The following RFK variants were observed in gnomAD, a reference collection of about 807,000 sequenced individuals.
RFK encodes riboflavin kinase.
In RFK, 4 loss-of-function variants were observed where a neutral mutation model predicts 17.6. The ratio of observed to expected loss-of-function variants is 0.23; its 90% CI spans 0.11 to 0.52. The LOEUF is 0.52. RFK is among the 20% of genes least tolerant of loss of function. RFK has a pLI of 0.96. For synonymous variants in RFK, 59 were observed against 63.8 expected, an observed-to-expected ratio of 0.92 and a Z score of 0.36; for missense variants, 189 against 187.7, an observed-to-expected ratio of 1.01 and a Z score of -0.04.
At chr9:76,393,990 G>T in intron 1 of RFK, 100 bp downstream of exon 1, 1 of 1,107,356 alleles carries the variant, frequency 9.0e-7, no homozygotes, top group Non-Finnish European at 1.3e-6. Flanking sequence ...CTCTGCCCGC[G>T]GTCCGGAGGC....
chr9:76,393,622 T>C (rs965659191), intron 1 of RFK: 1 of 160,202 alleles, frequency 6.2e-6, no homozygotes, highest in Non-Finnish European at 1.4e-5. Context: ...TTGAAATTAA[T>C]GTAGACAGAC....
intron 1 of RFK, among the ~76,000 whole-genome samples, chr9:76,393,229 C>T (rs906790349): frequency 2.1e-5 from 3 of 143,726 alleles, no homozygotes; most frequent in Admixed American, 7.0e-5. Flanking sequence ...TTTTTTGAGA[C>T]GGTGTCTCAC....
intron 2 of RFK, among the ~76,000 whole-genome samples, chr9:76,390,725 ACCACACACACACACAC>A (rs1822807959): frequency 1.5e-5 from 1 of 65,534 alleles, no homozygotes; most frequent in Admixed American, 1.5e-4. Context: ...AAAAAAAAAA[ACCACACACACACACAC>A]AATGAAAGAA....
At position 76,392,508 on chromosome 9, in the gene RFK, A is replaced by G. The variant is rs772401137; in HGVS notation, c.144T>C (p.Tyr48=). ...LPADISTGIY[Y]GWASVGSGDV... ...CTCCACTTCCAACACTGGCCCAACCATAGTAAATACCAGTGGATATATCAG... is the reference window on the plus strand; with the variant it reads ...CTCCACTTCCAACACTGGCCCAACCGTAGTAAATACCAGTGGATATATCAG... Residue 48 remains tyrosine, a synonymous_variant, in exon 2 of 4, where the codon TAT becomes TAC. Transcript: ENST00000376736. The G allele has an allele frequency of 1.4e-5, 23 of 1,614,066 alleles. No individual in the cohort carries two copies. The Admixed American group carries it at 3.3e-4, about 23-fold the overall frequency.
chr9:76,392,050 A>G (rs138686904), intron 2 of RFK, among the ~76,000 whole-genome samples: 26 of 152,342 alleles, frequency 1.7e-4, no homozygotes, highest in African/African-American at 6.3e-4. Context: ...ACCCCATGGT[A>G]ACCACAAAGA....
chr9:76,392,266 C>T, intron 2 of RFK, 152 bp downstream of exon 2: 1 of 694,814 alleles, frequency 1.4e-6, no homozygotes, highest in South Asian at 2.3e-5. Flanking sequence ...ATGAATTAAA[C>T]TCTCCAATTA....
In RFK at chr9:76,394,186, G is replaced by C. The variant is rs771681682; in HGVS notation, c.-15C>G. On this transcript the variant is annotated 5_prime_UTR_variant, in exon 1 of 4. Transcript: ENST00000376736. ...AGGTGCCTCATAATGCAGTCCGCTCGGGGAATGGGCTGCGGCCCGGTCTGC... is the reference window on the plus strand; with the variant it reads ...AGGTGCCTCATAATGCAGTCCGCTCCGGGAATGGGCTGCGGCCCGGTCTGC... 7.6e-6 allele frequency: 12 copies of C among 1,585,980 alleles called. No individual in the cohort carries two copies. In the African/African-American group the frequency reaches 1.2e-4, roughly 16 times the overall value.
intron 2 of RFK, among the ~76,000 whole-genome samples, chr9:76,390,668 TACAAA>T (rs1326262875): frequency 3.6e-5 from 3 of 84,436 alleles, no homozygotes; most frequent in East Asian, 7.4e-4. Flanking sequence ...TATCTGAAAA[TACAAA>T]ACAAAACAAA....
At position 76,385,656 on chromosome 9, in the gene RFK, C is replaced by T. The variant is rs376532625; in HGVS notation, c.*1743G>A. On this transcript the variant is annotated 3_prime_UTR_variant, in exon 4 of 4. Coordinates refer to ENST00000376736, the MANE Select transcript of RFK (RefSeq NM_018339.6). ...ATAGACACAATTAACCCCTAAACAA[C>T]ACACTATCTGATTCTCAAAAGCAAT... The T allele has an allele frequency of 5.9e-4, 90 of 152,264 alleles. No homozygotes were observed. The highest frequency in any genetic ancestry group is 2.1e-3 in the African/African-American group (89 of 41,556). The allele number at this position is 152,264 out of a possible 1,614,324, so 9.4% of individuals were successfully genotyped here.
chr9:76,391,148 T>G (rs1325649198), intron 2 of RFK, among the ~76,000 whole-genome samples: 1 of 152,206 alleles, frequency 6.6e-6, no homozygotes, highest in African/African-American at 2.4e-5. Context: ...TTCAAATCAT[T>G]AATACTGAAA....
At position 76,387,432 on chromosome 9, in the gene RFK, C is replaced by G; in HGVS notation, c.435G>C (p.Gln145His). 1 of 1,610,404 alleles carries G rather than the reference C, an allele frequency of 6.2e-7. No homozygotes were observed. The highest frequency in any genetic ancestry group is 8.5e-7 in the Non-Finnish European group (1 of 1,179,134). ...CATTCATTATTTTGCTTTTAGAAAC[C>G]TGGAAGAAATTGTCTTCTTTGATTT... is the stretch of plus-strand genomic sequence containing the variant. Reference protein sequence around the residue: ...HLKIKEDNFFQVSKSKIMNGH With the variant: ...HLKIKEDNFFHVSKSKIMNGH The change falls in exon 4 of 4, where the codon CAG becomes CAC. Residue 145 changes from glutamine (Q) to histidine (H), a missense_variant. By Grantham distance (24) the Gln-to-His change is conservative. Around this residue, in one of 3 missense-constraint regions of RFK, gnomAD observed 95 missense variants for 95.7 expected, o/e 0.99. Transcript: ENST00000376736.
intron 1 of RFK, 183 bp downstream of exon 1, chr9:76,393,907 G>A (rs1822854027): frequency 3.4e-6 from 2 of 589,772 alleles, no homozygotes; most frequent in Non-Finnish European, 5.8e-6. Flanking sequence ...CCAGAAGCAG[G>A]GACAAGCTCC....
At chr9:76,393,559 G>C (rs770470993) in intron 1 of RFK, among the ~76,000 whole-genome samples, 2 of 152,218 alleles carry the variant, frequency 1.3e-5, no homozygotes, top group Non-Finnish European at 2.9e-5. Flanking sequence ...AACAAGTCAA[G>C]ACGCAGCTCT....
chr9:76,393,066 A>G (rs562356170), intron 1 of RFK, among the ~76,000 whole-genome samples: 2 of 152,310 alleles, frequency 1.3e-5, no homozygotes, highest in South Asian at 4.1e-4. Context: ...GGTTATGAAT[A>G]AAGTACCAGG....
At chr9:76,389,276 A>G (rs1171319299) in intron 2 of RFK, among the ~76,000 whole-genome samples, 2 of 152,134 alleles carry the variant, frequency 1.3e-5, no homozygotes, top group Non-Finnish European at 2.9e-5. Flanking sequence ...ACTGACTTAG[A>G]GTCAAAAGTC....
At chr9:76,388,682 G>A (rs766191406) in intron 2 of RFK, 26 bp from the exon 3 acceptor site, 2 of 1,366,208 alleles carry the variant, frequency 1.5e-6, no homozygotes, top group Non-Finnish European at 2.1e-6. Context: ...GTTACAAAGA[G>A]TGCTATCAGA....
At position 76,394,202 on chromosome 9, in the gene RFK, C is replaced by T; in HGVS notation, c.-31G>A. ...AGTCCGCTCGGGGAATGGGCTGCGG[C>T]CCGGTCTGCGCGTCCTGCGGAGCCG... is the stretch of plus-strand genomic sequence containing the variant. On this transcript the variant is annotated 5_prime_UTR_variant, in exon 1 of 4. Transcript: ENST00000376736. 2 of 1,559,222 alleles carry T rather than the reference C, an allele frequency of 1.3e-6. No homozygotes were observed. The highest frequency in any genetic ancestry group is 8.7e-7 in the Non-Finnish European group (1 of 1,153,918).
At chr9:76,389,776 A>C (rs1335392349) in intron 2 of RFK, among the ~76,000 whole-genome samples, 1 of 152,180 alleles carries the variant, frequency 6.6e-6, no homozygotes, top group Non-Finnish European at 1.5e-5. Flanking sequence ...TCTCAAAAAA[A>C]AATTTAAAAA....
Position 76,394,117 on chromosome 9 carries a change from C to T in RFK, c.55G>A (p.Gly19Ser), listed in dbSNP as rs368029943. Residue 19 changes from glycine to serine, a missense_variant, in exon 1 of 4, where the codon GGC (glycine) becomes AGC (serine). Transcript: ENST00000376736. The part of the protein sequence containing the change: ...RGQVVRGFGR[G>S]SKQLGIPTAN... ...GTGGGGATGCCCAGCTGCTTGGAGC[C>T]GCGGCCGAAGCCCCGCACCACTTGA... 2 of 1,609,158 alleles carry T rather than the reference C, an allele frequency of 1.2e-6. No homozygotes were observed. The highest frequency in any genetic ancestry group is 2.2e-5 in the East Asian group (1 of 44,746).
Sources: allele counts gnomAD v4.1 joint callset (sites outside exome capture counted in the v4.1 genomes callset), GRCh38; gene constraint gnomAD v4.1.1; regional missense constraint gnomAD v4.1.1; transcripts MANE v1.5; gene names NCBI Gene and HGNC (gene_info 2026-07-23, HGNC 2026-07-21).